The following SLC5A11 variants were observed in gnomAD, a reference collection of about 807,000 sequenced individuals.
SLC5A11 encodes solute carrier family 5 member 11.
A neutral mutation model predicts 69.8 loss-of-function variants in SLC5A11; 48 were observed. That is an observed-to-expected ratio of 0.69 (90% CI 0.55 to 0.87). The LOEUF (loss-of-function observed/expected upper bound fraction) is 0.87. Among genes scored for constraint, SLC5A11 ranks in the 40% least tolerant of loss-of-function variants. The pLI, the probability that SLC5A11 is intolerant of heterozygous loss-of-function variation, is 0.00. For synonymous variants in SLC5A11, 319 were observed against 342.4 expected (o/e 0.93, Z 0.75); for missense variants, 784 against 866.1 (o/e 0.91, Z 1.19).
At chr16:24,861,745 AAGAAAAAG>A (rs1163804297) in intron 2 of SLC5A11, among the ~76,000 whole-genome samples, 4 of 141,344 alleles carry the variant, frequency 2.8e-5, no homozygotes, top group East Asian at 1.9e-4. Flanking sequence ...AAAAGAAAGA[AAGAAAAAG>A]AAGGAAAGAA....
At chr16:24,857,698 G>A (rs1281917212) in intron 1 of SLC5A11, among the ~76,000 whole-genome samples, 1 of 152,122 alleles carries the variant, frequency 6.6e-6, no homozygotes, top group African/African-American at 2.4e-5. Context: ...GTGATTACAT[G>A]GGGCCCACCC....
chr16:24,849,274 G>C (rs1157689153), intron 1 of SLC5A11, among the ~76,000 whole-genome samples: 2 of 152,004 alleles, frequency 1.3e-5, no homozygotes, highest in African/African-American at 4.8e-5. Flanking sequence ...CATCTATTAA[G>C]TAACAATGAG....
At chr16:24,882,771 G>C (rs1429774720) in intron 7 of SLC5A11, among the ~76,000 whole-genome samples, 1 of 152,048 alleles carries the variant, frequency 6.6e-6, no homozygotes. Flanking sequence ...TCAGCCTCCC[G>C]AGTAGCTGGG....
chr16:24,870,395 C>T (rs1344496322), intron 4 of SLC5A11, among the ~76,000 whole-genome samples: 2 of 150,288 alleles, frequency 1.3e-5, no homozygotes, highest in Admixed American at 6.7e-5. Flanking sequence ...CTCCGTCCCC[C>T]TCCCCACAAA....
rs779581902 is a variant in SLC5A11, at chr16:24,911,313, C to T, written c.1823-15C>T. The T allele has an allele frequency of 6.2e-7, 1 of 1,613,322 alleles. No individual in the cohort carries two copies. The highest frequency in any genetic ancestry group is 1.1e-5 in the South Asian group (1 of 91,032). On this transcript the variant is annotated splice_polypyrimidine_tract_variant and intron_variant, in intron 15 of 15. Transcript: ENST00000347898. Reference sequence around the variant, plus strand: ...AGACCACCTCTACGGTCTTCCTTTGCTGGGTTCTTTCTAGGTGACATGACC... The same window carrying T: ...AGACCACCTCTACGGTCTTCCTTTGTTGGGTTCTTTCTAGGTGACATGACC...
At chr16:24,899,765 A>G (rs1424951354) in intron 10 of SLC5A11, among the ~76,000 whole-genome samples, 2 of 151,780 alleles carry the variant, frequency 1.3e-5, no homozygotes, top group Admixed American at 6.6e-5. Flanking sequence ...GTGCAGTGGC[A>G]TGATTATAGC....
intron 4 of SLC5A11, among the ~76,000 whole-genome samples, chr16:24,871,038 G>A (rs554168700): frequency 6.6e-6 from 1 of 152,182 alleles, no homozygotes; most frequent in African/African-American, 2.4e-5. Flanking sequence ...AGGGCAGGGA[G>A]GGGATTATTA....
intron 1 of SLC5A11, among the ~76,000 whole-genome samples, chr16:24,856,216 G>C (rs562059522): frequency 2.0e-5 from 3 of 152,126 alleles, no homozygotes; most frequent in Non-Finnish European, 4.4e-5. Flanking sequence ...TATTGCCCAC[G>C]CAATAAAGAT....
chr16:24,874,916 A>G (rs968928082), intron 5 of SLC5A11, among the ~76,000 whole-genome samples: 1 of 151,456 alleles, frequency 6.6e-6, no homozygotes, highest in African/African-American at 2.4e-5. Context: ...CTTTTTATAC[A>G]TTTTCCGGCC....
At chr16:24,886,324 C>A (rs533970112) in intron 8 of SLC5A11, among the ~76,000 whole-genome samples, 4 of 152,054 alleles carry the variant, frequency 2.6e-5, no homozygotes, top group African/African-American at 9.6e-5. Flanking sequence ...TGAGCCACCA[C>A]GCCCGGCTGA....
intron 9 of SLC5A11, among the ~76,000 whole-genome samples, chr16:24,895,656 C>T (rs1312876944): frequency 1.3e-5 from 2 of 151,792 alleles, no homozygotes; most frequent in South Asian, 4.2e-4. Context: ...AGCTTGTGAC[C>T]GGAGCTTTTT....
intron 10 of SLC5A11, among the ~76,000 whole-genome samples, chr16:24,901,086 G>C (rs951708285): frequency 1.3e-5 from 2 of 152,130 alleles, no homozygotes; most frequent in Admixed American, 6.6e-5. Context: ...CCGCTTATGA[G>C]GTGTTTGAAC....
At chr16:24,873,300 A>AGGAAGGAG (rs2047451807) in intron 5 of SLC5A11, among the ~76,000 whole-genome samples, 3 of 150,126 alleles carry the variant, frequency 2.0e-5, no homozygotes, top group African/African-American at 4.9e-5. Flanking sequence ...GAAGGAAGGA[A>AGGAAGGAG]GGAAATAAAT....
At chr16:24,876,713 C>G (rs1317464031) in intron 6 of SLC5A11, among the ~76,000 whole-genome samples, 1 of 152,152 alleles carries the variant, frequency 6.6e-6, no homozygotes, top group Non-Finnish European at 1.5e-5. Flanking sequence ...ATGTGGGAAG[C>G]CTTCTAGGGG....
chr16:24,864,865 TACTC>T (rs1400463677), intron 3 of SLC5A11, among the ~76,000 whole-genome samples: 5 of 151,942 alleles, frequency 3.3e-5, no homozygotes, highest in Admixed American at 3.3e-4. Context: ...TGAAATAACA[TACTC>T]ACTAGAGGGG....
chr16:24,857,209 T>C (rs2059575407), intron 1 of SLC5A11, among the ~76,000 whole-genome samples: 1 of 152,220 alleles, frequency 6.6e-6, no homozygotes, highest in Non-Finnish European at 1.5e-5. Flanking sequence ...TTGTTGTCCA[T>C]GGGTGGCTTT....
In SLC5A11 at chr16:24,910,487, T is replaced by G. The variant is rs1312627526; in HGVS notation, c.1822+10T>G. The G allele has an allele frequency of 6.2e-7, 1 of 1,613,322 alleles. No individual in the cohort carries two copies. Among genetic ancestry groups the G allele is most frequent in the African/African-American group, 1.3e-5 (1 of 74,980 alleles). On this transcript the variant is annotated intron_variant, in intron 15 of 15. Transcript: ENST00000347898. ...TCTAAAACCCACAGCTGTGAGTAGCTTCTCTCCTCAGTTACAGCAAGAAGG... is the reference window on the plus strand; with the variant it reads ...TCTAAAACCCACAGCTGTGAGTAGCGTCTCTCCTCAGTTACAGCAAGAAGG...
intron 12 of SLC5A11, 25 bp from the exon 14 acceptor site, chr16:24,907,938 T>G: frequency 1.2e-6 from 2 of 1,612,632 alleles, no homozygotes; most frequent in Non-Finnish European, 1.7e-6. Flanking sequence ...TGATGCTAAT[T>G]TGTGCCTCTC....
intron 1 of SLC5A11, among the ~76,000 whole-genome samples, chr16:24,850,406 T>C (rs8051275): frequency 0.92 from 140,521 of 152,338 alleles, 64,912 homozygotes; most frequent in African/African-American, 0.95. Context: ...CTGACTCTTT[T>C]CCTCTTGTAG....
Sources: gnomAD v4.1 joint callset for allele counts (sites outside exome capture counted in the v4.1 genomes callset) on GRCh38, gnomAD v4.1.1 for gene constraint, MANE v1.5 for transcripts, NCBI Gene and HGNC (gene_info 2026-07-23, HGNC 2026-07-21) for gene names.